Variants in ZFHX3 observed in about 807,000 individuals in gnomAD.
ZFHX3 encodes the protein zinc finger homeobox 3, also known as zinc finger homeobox protein 3.
In ZFHX3, 42 loss-of-function variants were observed where a neutral mutation model predicts 279.1. That is an observed-to-expected ratio of 0.15 (90% CI 0.12 to 0.19). The LOEUF is 0.19. Among genes scored for constraint, ZFHX3 ranks in the 10% least tolerant of loss-of-function variants. The pLI is 1.00. For synonymous variants in ZFHX3, 2,293 were observed against 1,957.8 expected (o/e 1.17, Z -4.52); for missense variants, 4,981 against 4,754.0 (o/e 1.05, Z -1.40).
intron 1 of ZFHX3, among the ~76,000 whole-genome samples, chr16:73,014,161 C>A (rs1422243591): frequency 1.3e-5 from 2 of 152,116 alleles, no homozygotes; most frequent in African/African-American, 4.8e-5. Context: ...GCCTCCAGAA[C>A]CTAGACCATG....
intron 1 of ZFHX3, among the ~76,000 whole-genome samples, chr16:73,790,956 C>T (rs1959805566): frequency 6.6e-6 from 1 of 152,142 alleles, no homozygotes; most frequent in African/African-American, 2.4e-5. Context: ...CCTTCCACTC[C>T]AACCTCAGGT....
chr16:73,543,091 C>T (rs532724828), intron 2 of ZFHX3, among the ~76,000 whole-genome samples: 10 of 152,254 alleles, frequency 6.6e-5, no homozygotes, highest in Admixed American at 1.3e-4. Flanking sequence ...GGAGGAGGCT[C>T]GGCTCGGGCA....
At chr16:73,024,873 A>G (rs1422550363) in intron 1 of ZFHX3, among the ~76,000 whole-genome samples, 1 of 152,166 alleles carries the variant, frequency 6.6e-6, no homozygotes, top group African/African-American at 2.4e-5. Flanking sequence ...CAGCGGCTAC[A>G]TGTCCCCCAG....
intron 5 of ZFHX3, among the ~76,000 whole-genome samples, chr16:73,176,630 A>T (rs59902979): frequency 0.013 from 1,893 of 144,020 alleles, 41 homozygotes; most frequent in African/African-American, 0.047. Context: ...TTTTTTCCTT[A>T]AACCTCCATG....
At chr16:73,149,669 C>T (rs1194188233) in intron 5 of ZFHX3, among the ~76,000 whole-genome samples, 1 of 152,160 alleles carries the variant, frequency 6.6e-6, no homozygotes, top group East Asian at 1.9e-4. Context: ...TCTGACTGCT[C>T]CACAATTAAT....
chr16:72,791,074 C>T (rs776437001), intron 9 of ZFHX3: 3 of 152,172 alleles, frequency 2.0e-5, no homozygotes, highest in Non-Finnish European at 4.4e-5. Flanking sequence ...TACTTCATCC[C>T]CCCTAGACTT....
chr16:73,437,241 G>C (rs1003041081), intron 3 of ZFHX3, among the ~76,000 whole-genome samples: 4 of 152,162 alleles, frequency 2.6e-5, no homozygotes, highest in African/African-American at 9.7e-5. Flanking sequence ...CTTAGGGCCA[G>C]AGAGATTAAA....
chr16:73,523,043 G>A (rs866599458), intron 2 of ZFHX3, among the ~76,000 whole-genome samples: 27 of 152,046 alleles, frequency 1.8e-4, no homozygotes, highest in African/African-American at 3.9e-4. Context: ...GGCAATTATG[G>A]GAACTACAAT....
chr16:72,908,892 G>A (rs1274190270), intron 3 of ZFHX3, among the ~76,000 whole-genome samples: 1 of 152,198 alleles, frequency 6.6e-6, no homozygotes, highest in East Asian at 1.9e-4. Flanking sequence ...TTCAGGTTGA[G>A]AAAGCATTCA....
chr16:73,856,102 A>G (rs529535845), intron 1 of ZFHX3, among the ~76,000 whole-genome samples: 2 of 152,330 alleles, frequency 1.3e-5, no homozygotes, highest in South Asian at 4.1e-4. Flanking sequence ...GCAGTTTACA[A>G]AGACTTATGT....
intron 4 of ZFHX3, chr16:73,257,242 T>C (rs541867224): frequency 1.1e-4 from 17 of 152,296 alleles, no homozygotes; most frequent in African/African-American, 4.1e-4. Context: ...TGTTCTAGAG[T>C]CAAACTAGAT....
chr16:73,306,932 A>G (rs1227263306), intron 4 of ZFHX3, among the ~76,000 whole-genome samples: 1 of 152,220 alleles, frequency 6.6e-6, no homozygotes, highest in Non-Finnish European at 1.5e-5. Context: ...GTGAAGGCTA[A>G]ATGAAAACCT....
intron 2 of ZFHX3, among the ~76,000 whole-genome samples, chr16:73,588,881 T>G (rs1567526767): frequency 6.6e-6 from 1 of 151,882 alleles, no homozygotes; most frequent in African/African-American, 2.4e-5. Flanking sequence ...TGGAGAGGTC[T>G]AGACAGAGAC....
chr16:73,278,007 C>T (rs73603353), intron 4 of ZFHX3, among the ~76,000 whole-genome samples: 21,132 of 152,086 alleles, frequency 0.14, 1,538 homozygotes, highest in East Asian at 0.2. Flanking sequence ...CCTCATGATC[C>T]AGTCACCTCC....
In ZFHX3 at chr16:73,842,790, C is replaced by T. The variant is rs115326102; in HGVS notation, c.-1608+48861G>A. Among the ~76,000 whole-genome samples, 370 of 152,244 alleles carry T rather than the reference C, an allele frequency of 2.4e-3. 3 individuals are homozygous for T. The highest frequency in any genetic ancestry group is 8.4e-3 in the African/African-American group (348 of 41,544). On this transcript the variant is annotated intron_variant, in intron 1 of 17. Transcript: ENST00000641206. Reference sequence around the variant, plus strand: ...ACCAGCCATAGTCAGGGTAGATACCCGACTTTGTTTCTCTAAAATGCAGAG... The same window carrying T: ...ACCAGCCATAGTCAGGGTAGATACCTGACTTTGTTTCTCTAAAATGCAGAG...
chr16:73,120,154 A>T (rs1281322429), intron 7 of ZFHX3, among the ~76,000 whole-genome samples: 1 of 151,908 alleles, frequency 6.6e-6, no homozygotes, highest in Non-Finnish European at 1.5e-5. Context: ...TCTGTCCCTG[A>T]TCTATCCCTT....
At chr16:72,911,303 G>A (rs1404686083) in intron 3 of ZFHX3, among the ~76,000 whole-genome samples, 1 of 152,172 alleles carries the variant, frequency 6.6e-6, no homozygotes, top group Non-Finnish European at 1.5e-5. Context: ...ACAGCTCCAT[G>A]TTTCCCCCAC....
At chr16:73,699,069 G>A (rs1027351066) in intron 1 of ZFHX3, among the ~76,000 whole-genome samples, 32 of 152,114 alleles carry the variant, frequency 2.1e-4, no homozygotes, top group African/African-American at 7.7e-4. Context: ...ATTTTTAGTA[G>A]AGACAAGGTT....
chr16:73,184,984 T>TC (rs934001890), intron 5 of ZFHX3, among the ~76,000 whole-genome samples: 5 of 67,104 alleles, frequency 7.5e-5, no homozygotes, highest in African/African-American at 3.0e-4. Context: ...GCACCATCTC[T>TC]TTTTTTTTTT....
Sources: allele counts gnomAD v4.1 joint callset (sites outside exome capture counted in the v4.1 genomes callset), GRCh38; gene constraint gnomAD v4.1.1; transcripts MANE v1.5; gene names NCBI Gene and HGNC (gene_info 2026-07-23, HGNC 2026-07-21).